Variants in ADARB2 observed in about 807,000 individuals in gnomAD.
The protein encoded by ADARB2 is inactive double-stranded RNA-specific editase B2.
In ADARB2, 25 loss-of-function variants were observed where a neutral mutation model predicts 62.2. The ratio of observed to expected loss-of-function variants is 0.40; its 90% confidence interval spans 0.29 to 0.56. The LOEUF is 0.56. Among genes scored for constraint, ADARB2 ranks in the 20% least tolerant of loss-of-function variants. ADARB2 has a pLI of 0.43. For synonymous variants in ADARB2, 572 were observed against 500.8 expected, an observed-to-expected ratio of 1.14 and a Z score of -1.90; for missense variants, 1,071 against 1,077.4, an observed-to-expected ratio of 0.99 and a Z score of 0.08.
At chr10:1,629,343 C>T (rs1164491677) in intron 1 of ADARB2, among the ~76,000 whole-genome samples, 1 of 152,098 alleles carries the variant, frequency 6.6e-6, no homozygotes, top group Non-Finnish European at 1.5e-5. Context: ...GCCATGCTGT[C>T]CCCTGGGATT....
At chr10:1,562,850 A>T (rs536463028) in intron 1 of ADARB2, among the ~76,000 whole-genome samples, 1 of 152,354 alleles carries the variant, frequency 6.6e-6, no homozygotes, top group African/African-American at 2.4e-5. Flanking sequence ...AATGCAGGTG[A>T]CAGTGGTGTC....
intron 1 of ADARB2, among the ~76,000 whole-genome samples, chr10:1,563,034 G>A (rs893309990): frequency 6.6e-6 from 1 of 152,222 alleles, no homozygotes; most frequent in Non-Finnish European, 1.5e-5. Context: ...ATTCACTTAA[G>A]GTGCTGACTT....
intron 1 of ADARB2, among the ~76,000 whole-genome samples, chr10:1,732,120 AAAG>A (rs1283752777): frequency 6.6e-6 from 1 of 152,112 alleles, no homozygotes; most frequent in Non-Finnish European, 1.5e-5. Context: ...TATTTTGGAA[AAAG>A]AAGTAGGGGG....
chr10:1,326,933 C>CCAGCGCCTCCCCACGGCA (rs1554754408), intron 3 of ADARB2, among the ~76,000 whole-genome samples: 3 of 23,288 alleles, frequency 1.3e-4, no homozygotes, highest in African/African-American at 1.9e-4. Flanking sequence ...TCCCCACTGC[C>CCAGCGCCTCCCCACGGCA]CAGCGCCTCC....
intron 1 of ADARB2, among the ~76,000 whole-genome samples, chr10:1,679,931 C>G (rs1175762029): frequency 1.3e-5 from 2 of 152,152 alleles, no homozygotes; most frequent in Admixed American, 1.3e-4. Flanking sequence ...TAGAAATGTT[C>G]AAAGGCAGGA....
At chr10:1,186,004 C>G (rs958327794) in intron 8 of ADARB2, among the ~76,000 whole-genome samples, 7 of 152,202 alleles carry the variant, frequency 4.6e-5, no homozygotes, top group African/African-American at 1.7e-4. Flanking sequence ...CATGCTGCCA[C>G]AAGATGTCTG....
chr10:1,706,873 G>A (rs7905811), intron 1 of ADARB2, among the ~76,000 whole-genome samples: 1 of 151,986 alleles, frequency 6.6e-6, no homozygotes, highest in Non-Finnish European at 1.5e-5. Flanking sequence ...AGGGACACCA[G>A]AGTGGTGAAC....
At chr10:1,506,570 A>C (rs1340084199) in intron 1 of ADARB2, among the ~76,000 whole-genome samples, 1 of 152,246 alleles carries the variant, frequency 6.6e-6, no homozygotes, top group African/African-American at 2.4e-5. Flanking sequence ...AGCTCTATTT[A>C]CTGAGGACCA....
At chr10:1,734,607 G>T (rs1418325394) in intron 1 of ADARB2, among the ~76,000 whole-genome samples, 1 of 152,188 alleles carries the variant, frequency 6.6e-6, no homozygotes, top group African/African-American at 2.4e-5. Context: ...CCTTAGACTA[G>T]GTAGAAATAC....
intron 7 of ADARB2, among the ~76,000 whole-genome samples, chr10:1,207,715 A>T (rs1486528596): frequency 6.6e-6 from 1 of 152,222 alleles, no homozygotes; most frequent in Non-Finnish European, 1.5e-5. Flanking sequence ...TTTCATGGAG[A>T]AAGTTTTAAT....
chr10:1,312,586 G>A (rs1259819978), intron 3 of ADARB2, among the ~76,000 whole-genome samples: 1 of 152,224 alleles, frequency 6.6e-6, no homozygotes, highest in African/African-American at 2.4e-5. Context: ...CTCCAGGTGC[G>A]GTGATAAGCA....
At chr10:1,380,796 A>G (rs1832476300) in intron 1 of ADARB2, among the ~76,000 whole-genome samples, 1 of 152,234 alleles carries the variant, frequency 6.6e-6, no homozygotes, top group South Asian at 2.1e-4. Flanking sequence ...CTAATTTACT[A>G]CCAGAGAATG....
At chr10:1,605,974 ACATT>A (rs144259590) in intron 1 of ADARB2, among the ~76,000 whole-genome samples, 4,393 of 152,324 alleles carry the variant, frequency 0.029, 200 homozygotes, top group African/African-American at 0.1. Context: ...TGGAATTTAA[ACATT>A]CAAACAGTCT....
At chr10:1,279,423 C>T (rs540193603) in intron 3 of ADARB2, among the ~76,000 whole-genome samples, 3 of 152,308 alleles carry the variant, frequency 2.0e-5, no homozygotes, top group African/African-American at 7.2e-5. Flanking sequence ...CCAAGTCATC[C>T]TCTTAGCTCA....
rs749532727 is a variant in ADARB2 at position 1,534,140 on chromosome 10, T to TG, written c.101-154981_101-154980insC. ...GCGATTTTCCTGCATTGAAATAGTT[T>TG]TTTTTTTTTTTTTTGAGAAGGAGTT... On this transcript the variant is annotated intron_variant, in intron 1 of 9. Coordinates refer to ENST00000381312, the MANE Select transcript of ADARB2 (RefSeq NM_018702.4). Among the ~76,000 whole-genome samples the TG allele has an allele frequency of 5.3e-3, 784 of 149,042 alleles. 3 individuals are homozygous for TG. Among genetic ancestry groups the TG allele is most frequent in the Non-Finnish European group, 8.9e-3 (599 of 66,948 alleles).
At chr10:1,372,177 G>A (rs112286897) in intron 2 of ADARB2, among the ~76,000 whole-genome samples, 2,808 of 152,292 alleles carry the variant, frequency 0.018, 39 homozygotes, top group Middle Eastern at 0.034. Context: ...GAATGGAGCT[G>A]GAGGCCATTA....
At chr10:1,518,337 G>C (rs896596463) in intron 1 of ADARB2, among the ~76,000 whole-genome samples, 1 of 152,140 alleles carries the variant, frequency 6.6e-6, no homozygotes, top group Non-Finnish European at 1.5e-5. Flanking sequence ...ATGACTTCTA[G>C]AGTTTCCAGG....
intron 1 of ADARB2, among the ~76,000 whole-genome samples, chr10:1,610,877 CACACAT>C (rs1259800699): frequency 2.5e-4 from 38 of 152,196 alleles, no homozygotes; most frequent in African/African-American, 8.9e-4. Context: ...CACATACAAA[CACACAT>C]AGACATGTAA....
At chr10:1,215,927 C>T (rs766320083) in intron 7 of ADARB2, 3 of 149,088 alleles carry the variant, frequency 2.0e-5, no homozygotes, top group Non-Finnish European at 4.5e-5. Flanking sequence ...GCCTCAGATC[C>T]ACGTTGGGGA....
Sources: allele counts gnomAD v4.1 joint callset (sites outside exome capture counted in the v4.1 genomes callset), GRCh38; gene constraint gnomAD v4.1.1; transcripts MANE v1.5; gene names NCBI Gene and HGNC (gene_info 2026-07-23, HGNC 2026-07-21).